Variants in RCAN2 observed in about 807,000 individuals in gnomAD.
RCAN2 encodes the protein regulator of calcineurin 2, also known as calcipressin-2.
Under a neutral mutation model 23.6 loss-of-function variants are expected in RCAN2, and 9 were observed. That is an observed-to-expected ratio of 0.38 (90% CI 0.23 to 0.67). RCAN2 has a LOEUF of 0.67. Among genes scored for constraint, RCAN2 ranks in the 30% least tolerant of loss-of-function variants. The pLI is 0.51. For missense variants in RCAN2, 273 were observed against 302.3 expected (o/e 0.90, Z 0.72); for synonymous variants, 109 against 115.7 (o/e 0.94, Z 0.37).
At chr6:46,441,416 C>T (rs1767542243) in intron 2 of RCAN2, among the ~76,000 whole-genome samples, 1 of 152,148 alleles carries the variant, frequency 6.6e-6, no homozygotes, top group Non-Finnish European at 1.5e-5. Flanking sequence ...GGTTGCTCTT[C>T]CAACCTCAAG....
intron 2 of RCAN2, among the ~76,000 whole-genome samples, chr6:46,282,273 C>T (rs563639299): frequency 1.5e-3 from 228 of 151,812 alleles, no homozygotes; most frequent in African/African-American, 4.4e-3. Flanking sequence ...GGGCTGGGCA[C>T]GGTGGCTCAC....
At chr6:46,443,259 C>T (rs1472278500) in intron 2 of RCAN2, among the ~76,000 whole-genome samples, 2 of 152,014 alleles carry the variant, frequency 1.3e-5, no homozygotes, top group Non-Finnish European at 2.9e-5. Context: ...ATTTTCCCAC[C>T]CTCAAGTTCC....
chr6:46,243,105 G>A (rs758311975), intron 4 of RCAN2, among the ~76,000 whole-genome samples: 2 of 152,154 alleles, frequency 1.3e-5, no homozygotes, highest in Non-Finnish European at 2.9e-5. Context: ...GTTGGGAAGG[G>A]GGCAGAGACG....
intron 1 of RCAN2, among the ~76,000 whole-genome samples, chr6:46,459,397 G>GA (rs1056192326): frequency 4.9e-4 from 75 of 152,036 alleles, no homozygotes; most frequent in African/African-American, 1.8e-3. Flanking sequence ...ATCCATTGCC[G>GA]AACAAATTAA....
At chr6:46,290,953 G>C (rs913723675) in intron 2 of RCAN2, among the ~76,000 whole-genome samples, 1 of 152,160 alleles carries the variant, frequency 6.6e-6, no homozygotes, top group African/African-American at 2.4e-5. Flanking sequence ...CACAATCCCT[G>C]ACATGAAAGC....
intron 3 of RCAN2, among the ~76,000 whole-genome samples, chr6:46,247,892 T>C (rs1014453544): frequency 6.6e-6 from 1 of 152,196 alleles, no homozygotes; most frequent in African/African-American, 2.4e-5. Context: ...ATTCAATGCT[T>C]AACTTTTTAA....
intron 1 of RCAN2, among the ~76,000 whole-genome samples, chr6:46,475,646 T>C (rs901179801): frequency 5.9e-5 from 9 of 152,224 alleles, no homozygotes; most frequent in Non-Finnish European, 1.0e-4. Flanking sequence ...TTCTGTATTA[T>C]GTTAAGCAGA....
intron 2 of RCAN2, among the ~76,000 whole-genome samples, chr6:46,426,089 G>C (rs1767024131): frequency 6.6e-6 from 1 of 151,708 alleles, no homozygotes; most frequent in Non-Finnish European, 1.5e-5. Context: ...AGTAAAGACA[G>C]GGTTTCACCA....
intron 2 of RCAN2, among the ~76,000 whole-genome samples, chr6:46,392,265 C>A (rs917809292): frequency 2.6e-5 from 4 of 152,014 alleles, no homozygotes; most frequent in Admixed American, 2.0e-4. Flanking sequence ...ATCATAGGGG[C>A]AGCAAGTCAA....
At chr6:46,224,308 TC>T (rs1765574341) in intron 4 of RCAN2, among the ~76,000 whole-genome samples, 1 of 152,188 alleles carries the variant, frequency 6.6e-6, no homozygotes, top group Admixed American at 6.5e-5. Flanking sequence ...TCACTTCCCA[TC>T]TTTCATGGAT....
chr6:46,414,883 A>G (rs964773024), intron 2 of RCAN2, among the ~76,000 whole-genome samples: 9 of 152,208 alleles, frequency 5.9e-5, no homozygotes, highest in Middle Eastern at 3.2e-3. Flanking sequence ...CCATATTTTA[A>G]TTAGTAAAGA....
chr6:46,445,245 C>T (rs1477080166), intron 2 of RCAN2, among the ~76,000 whole-genome samples: 1 of 152,098 alleles, frequency 6.6e-6, no homozygotes, highest in East Asian at 1.9e-4. Flanking sequence ...TCTAGGTCCA[C>T]CCCCATAGAA....
At chr6:46,429,237 A>G (rs1029316511) in intron 2 of RCAN2, among the ~76,000 whole-genome samples, 1 of 152,200 alleles carries the variant, frequency 6.6e-6, no homozygotes, top group African/African-American at 2.4e-5. Flanking sequence ...CTAGATATAA[A>G]TGAATAGAAT....
In RCAN2 at chr6:46,370,897, T is replaced by C. The variant is rs1482234238; in HGVS notation, c.225+85855A>G. On this transcript the variant is annotated intron_variant, in intron 2 of 4. Coordinates refer to ENST00000371374, the MANE Select transcript of RCAN2 (RefSeq NM_001251974.2). Reference sequence around the variant, plus strand: ...ACTAGAAGTCACCTTCAGCATCACATTCCTGTCCTGTGCAGGCTTCCTTCT... The same window carrying C: ...ACTAGAAGTCACCTTCAGCATCACACTCCTGTCCTGTGCAGGCTTCCTTCT... Among the ~76,000 whole-genome samples the C allele has an allele frequency of 2.6e-5, 4 of 152,368 alleles. No individual in the cohort carries two copies. The East Asian group carries it at 5.8e-4, about 22-fold the overall frequency.
intron 2 of RCAN2, among the ~76,000 whole-genome samples, chr6:46,266,944 T>C (rs1039959963): frequency 2.5e-4 from 2 of 7,886 alleles, no homozygotes; most frequent in Non-Finnish European, 9.6e-4. Flanking sequence ...CCACCGACAT[T>C]TAAAATCAAG....
chr6:46,317,111 T>C (rs955191993), intron 2 of RCAN2, among the ~76,000 whole-genome samples: 1 of 152,138 alleles, frequency 6.6e-6, no homozygotes, highest in Non-Finnish European at 1.5e-5. Context: ...CTTGGTGACA[T>C]AAGCAAGGAG....
At position 46,299,104 on chromosome 6, in the gene RCAN2, G is replaced by C. The variant is rs115495750; in HGVS notation, c.226-50208C>G. 4.1e-3 allele frequency among the ~76,000 whole-genome samples: 617 copies of C among 152,090 alleles called. 2 individuals carry two copies. The highest frequency in any genetic ancestry group is 0.014 in the African/African-American group (582 of 41,516). ...ACAACAGACACTGGGGACTGCTTGT[G>C]GGGGAAGAATAGGAGGGGGTTAGAA... On this transcript the variant is annotated intron_variant, in intron 2 of 4. Coordinates refer to ENST00000371374, the MANE Select transcript of RCAN2 (RefSeq NM_001251974.2).
Position 46,223,267 on chromosome 6 carries a change from G to A in RCAN2, c.606C>T (p.Ser202=), listed in dbSNP as rs776443491. Residue 202 remains serine, a synonymous_variant, in exon 5 of 5, where the codon TCC becomes TCT. Transcript: ENST00000371374. ...ACACGTGCACGACGACACTTGGGGT[G>A]GACTCAGTCCCTGCATGGAGCTCAT... ...EKYELHAGTE[S]TPSVVVHVCD... The A allele has an allele frequency of 3.1e-6, 5 of 1,613,824 alleles. No individual in the cohort carries two copies. The East Asian group carries it at 6.7e-5, about 22-fold the overall frequency.
intron 2 of RCAN2, among the ~76,000 whole-genome samples, chr6:46,332,751 T>C (rs1434205112): frequency 6.6e-6 from 1 of 152,154 alleles, no homozygotes; most frequent in African/African-American, 2.4e-5. Context: ...CTATTGTGAA[T>C]AGTGCTGCAA....
Sources: allele counts gnomAD v4.1 joint callset (sites outside exome capture counted in the v4.1 genomes callset), GRCh38; gene constraint gnomAD v4.1.1; transcripts MANE v1.5; gene names NCBI Gene and HGNC (gene_info 2026-07-23, HGNC 2026-07-21).